The following CFAP43 variants were observed in gnomAD, a reference collection of about 807,000 sequenced individuals.
CFAP43 encodes the protein cilia and flagella associated protein 43.
In CFAP43, 155 loss-of-function variants were observed where a neutral mutation model predicts 218.9. The ratio of observed to expected loss-of-function variants is 0.71; its 90% CI spans 0.62 to 0.81. CFAP43 has a LOEUF of 0.81. Ranked by LOEUF, CFAP43 falls within the 30% of genes least tolerant of loss-of-function variation. The probability of loss-of-function intolerance (pLI) is 0.00; values close to 1 mark genes in which losing one functional copy is unlikely to be tolerated. For synonymous variants in CFAP43, 645 were observed against 681.3 expected (o/e 0.95, Z 0.83); for missense variants, 1,778 against 1,954.3 (o/e 0.91, Z 1.70).
At chr10:104,150,135 G>A (rs1033725967) in intron 28 of CFAP43, among the ~76,000 whole-genome samples, 2 of 152,014 alleles carry the variant, frequency 1.3e-5, no homozygotes, top group Non-Finnish European at 1.5e-5. Context: ...TTTTTATTGT[G>A]GGATAATACT....
At chr10:104,216,433 G>T (rs567210333) in intron 3 of CFAP43, among the ~76,000 whole-genome samples, 4 of 152,270 alleles carry the variant, frequency 2.6e-5, no homozygotes, top group Admixed American at 2.6e-4. Context: ...GTCCAACTGT[G>T]TGTGCACTTT....
At chr10:104,173,447 C>T (rs11191936) in intron 19 of CFAP43, among the ~76,000 whole-genome samples, 2 of 152,136 alleles carry the variant, frequency 1.3e-5, no homozygotes, top group Non-Finnish European at 2.9e-5. Flanking sequence ...AAGGGTTTAC[C>T]TAAGAGTGCT....
At chr10:104,208,798 TA>T (rs1201556061) in intron 5 of CFAP43, among the ~76,000 whole-genome samples, 2 of 152,134 alleles carry the variant, frequency 1.3e-5, no homozygotes, top group African/African-American at 4.8e-5. Flanking sequence ...TTGAAAAAAT[TA>T]AAAAGGTAGA....
chr10:104,151,800 A>G lies in CFAP43; in HGVS notation c.3660+807T>C, dbSNP rs143813664. Among the ~76,000 whole-genome samples the G allele has an allele frequency of 1.9e-3, 287 of 152,210 alleles. 6 individuals are homozygous for G. The East Asian group carries it at 0.052, about 28-fold the overall frequency. ...TTGCTTTTGGTATCTTCATCATGAA[A>G]TCTTTGCCAGTTCCTATGTCCAGAA... On this transcript the variant is annotated intron_variant, in intron 28 of 37. Coordinates refer to ENST00000357060, the MANE Select transcript of CFAP43 (RefSeq NM_025145.7).
rs1352404039 is a variant in CFAP43 at position 104,212,139 on chromosome 10, T to C, written c.603A>G (p.Leu201=). The C allele has an allele frequency of 6.2e-6, 10 of 1,613,828 alleles. No individual in the cohort carries two copies. Among genetic ancestry groups the C allele is most frequent in the South Asian group, 1.1e-5 (1 of 90,996 alleles). ...TTTCATTAAAAAATGACCCATCTTC[T>C]AGAGGTAATTTCACCGACCTGTAGA... ...CFRARSVKLP[L]EDGSFFNETD... is the part of the protein sequence containing the mutation. Residue 201 remains leucine, a synonymous_variant, in exon 5 of 38, where the codon CTA becomes CTG. Transcript: ENST00000357060.
At chr10:104,230,170 T>TA (rs11286238) in intron 2 of CFAP43, among the ~76,000 whole-genome samples, 52 of 147,262 alleles carry the variant, frequency 3.5e-4, no homozygotes, top group South Asian at 1.5e-3. Context: ...AAATGTATAT[T>TA]AAAAAAAAAA....
intron 5 of CFAP43, among the ~76,000 whole-genome samples, chr10:104,210,503 A>T (rs1253677118): frequency 6.6e-6 from 1 of 152,146 alleles, no homozygotes; most frequent in Admixed American, 6.5e-5. Context: ...AGTAGCTGGG[A>T]TTGCAGGCAT....
At position 104,203,677 on chromosome 10, in the gene CFAP43, C is replaced by G. The variant is rs1242734876; in HGVS notation, c.1090G>C (p.Asp364His). 1.9e-6 allele frequency: 3 copies of G among 1,599,886 alleles called. No homozygotes were observed. The highest frequency in any genetic ancestry group is 2.6e-6 in the Non-Finnish European group (3 of 1,174,976). ...PNYTVLLIQTDKGSVYIYTFG... is the reference protein window; with the variant it reads ...PNYTVLLIQTHKGSVYIYTFG... ...GAAATTACCATCCAACATACCTTGTCTGTTTGAATCAGCAACACTGTATAA... is the reference window on the plus strand; with the variant it reads ...GAAATTACCATCCAACATACCTTGTGTGTTTGAATCAGCAACACTGTATAA... Residue 364 changes from aspartate to histidine, a missense_variant, in exon 8 of 38, where the codon GAC becomes CAC. Transcript: ENST00000357060.
chr10:104,145,467 G>A lies in CFAP43; in HGVS notation c.3944+9C>T, dbSNP rs761439195. ...TTCTCAGAAACACAATAGTGAAGGAGAAACAAACCTTGGTCGGCGTTTAAA... is the reference window on the plus strand; with the variant it reads ...TTCTCAGAAACACAATAGTGAAGGAAAAACAAACCTTGGTCGGCGTTTAAA... On this transcript the variant is annotated intron_variant, in intron 31 of 37. Transcript: ENST00000357060. 1.3e-6 allele frequency: 2 copies of A among 1,578,566 alleles called. No homozygotes were observed. The highest frequency in any genetic ancestry group is 4.5e-5 in the East Asian group (2 of 44,272).
At chr10:104,211,026 C>T (rs1031978523) in intron 5 of CFAP43, among the ~76,000 whole-genome samples, 6 of 151,858 alleles carry the variant, frequency 4.0e-5, no homozygotes, top group Non-Finnish European at 8.8e-5. Context: ...CTCCTGACCT[C>T]GTGATCCACC....
chr10:104,195,916 T>C (rs1225820057), intron 10 of CFAP43, among the ~76,000 whole-genome samples: 2 of 152,184 alleles, frequency 1.3e-5, no homozygotes, highest in African/African-American at 4.8e-5. Flanking sequence ...TGAATCTAAC[T>C]CCCATTTCCA....
At chr10:104,219,034 T>C (rs2091104071) in intron 3 of CFAP43, among the ~76,000 whole-genome samples, 1 of 152,110 alleles carries the variant, frequency 6.6e-6, no homozygotes, top group African/African-American at 2.4e-5. Flanking sequence ...CTAACTGATA[T>C]ATCAGCTGCC....
At chr10:104,144,883 T>C (rs1476055326) in intron 31 of CFAP43, among the ~76,000 whole-genome samples, 4 of 152,256 alleles carry the variant, frequency 2.6e-5, no homozygotes, top group Admixed American at 6.5e-5. Context: ...CCATTTATAC[T>C]GGCATCTTTC....
intron 22 of CFAP43, among the ~76,000 whole-genome samples, chr10:104,167,108 G>T (rs2089192968): frequency 6.6e-6 from 1 of 152,188 alleles, no homozygotes; most frequent in Non-Finnish European, 1.5e-5. Flanking sequence ...AATTAAGCAT[G>T]CCTTCTTTTT....
chr10:104,183,545 G>A (rs997841899), intron 16 of CFAP43, among the ~76,000 whole-genome samples: 9 of 151,936 alleles, frequency 5.9e-5, no homozygotes, highest in African/African-American at 1.9e-4. Context: ...GCCCGCCACC[G>A]CGCCCGGCTA....
chr10:104,189,840 T>A (rs572396701), intron 12 of CFAP43, among the ~76,000 whole-genome samples: 22 of 151,608 alleles, frequency 1.5e-4, no homozygotes, highest in Admixed American at 3.9e-4. Context: ...TTTTCTCTAC[T>A]AAAAAACAAA....
At chr10:104,224,442 A>C (rs2091259783) in intron 3 of CFAP43, among the ~76,000 whole-genome samples, 1 of 152,082 alleles carries the variant, frequency 6.6e-6, no homozygotes, top group Non-Finnish European at 1.5e-5. Context: ...ATTATCTGTT[A>C]GTTATACCTC....
chr10:104,162,537 T>C, intron 24 of CFAP43, 134 bp from the exon 25 acceptor site: 1 of 719,820 alleles, frequency 1.4e-6, no homozygotes, highest in Non-Finnish European at 2.4e-6. Context: ...CCCAATTTTC[T>C]GTTTTGGAAT....
intron 7 of CFAP43, among the ~76,000 whole-genome samples, chr10:104,204,222 T>G (rs571814151): frequency 2.3e-4 from 35 of 152,328 alleles, no homozygotes; most frequent in African/African-American, 8.4e-4. Context: ...CTTATCTCCC[T>G]AAATGACCCA....
Sources: allele counts gnomAD v4.1 joint callset (sites outside exome capture counted in the v4.1 genomes callset), GRCh38; gene constraint gnomAD v4.1.1; transcripts MANE v1.5; gene names NCBI Gene and HGNC (gene_info 2026-07-23, HGNC 2026-07-21).